The following SMS variants were observed in gnomAD, a reference collection of about 807,000 sequenced individuals.
SMS encodes the protein spermine synthase.
SMS carries 3 observed loss-of-function variants against 33.0 expected under a neutral mutation model. The observed-to-expected ratio is 0.09, with a 90% CI of 0.04 to 0.23. The LOEUF (loss-of-function observed/expected upper bound fraction) is 0.23. SMS is among the 10% of genes least tolerant of loss of function. The pLI, the probability that SMS is intolerant of heterozygous loss-of-function variation, is 1.00. For synonymous variants in SMS, 103 were observed against 112.2 expected (o/e 0.92, Z 0.52); for missense variants, 117 against 288.6 (o/e 0.41, Z 4.31).
chrX:21,946,099 CA>C (rs1358687482), intron 1 of SMS, among the ~76,000 whole-genome samples: 1 of 112,363 alleles, frequency 8.9e-6, no homozygotes, highest in Non-Finnish European at 1.9e-5. Context: ...GGCCTCCAAG[CA>C]TAACTGAAGA....
At chrX:21,974,023 G>C (rs1409050901) in intron 4 of SMS, among the ~76,000 whole-genome samples, 1 of 112,692 alleles carries the variant, frequency 8.9e-6, no homozygotes, top group Middle Eastern at 4.2e-3. Context: ...CAGGCCTTAA[G>C]GCATAGAAGG....
At chrX:21,972,688 C>A in intron 4 of SMS, 117 bp downstream of exon 4, 1 of 527,034 alleles carries the variant, frequency 1.9e-6, no homozygotes, top group South Asian at 2.5e-5. Context: ...GCAGGCGGAT[C>A]ACTTGAAGTC....
At chrX:21,950,360 T>C (rs1419056252) in intron 1 of SMS, among the ~76,000 whole-genome samples, 2 of 110,099 alleles carry the variant, frequency 1.8e-5, no homozygotes, top group East Asian at 5.7e-4. Context: ...AGCTGGAGGC[T>C]TGATGTTGAG....
intron 1 of SMS, among the ~76,000 whole-genome samples, chrX:21,961,226 A>G (rs185124958): frequency 9.2e-6 from 1 of 109,068 alleles, no homozygotes; most frequent in East Asian, 2.9e-4. Flanking sequence ...TCTGGGTTCT[A>G]TATAGGAACC....
chrX:21,977,017 G>A (rs756579976), intron 4 of SMS, 44 bp from the exon 5 acceptor site: 49 of 1,131,835 alleles, frequency 4.3e-5, no homozygotes, highest in South Asian at 2.9e-4. Context: ...CACTTGTAAG[G>A]CAGTGTTCTA....
chrX:21,979,452 T>G (rs1364081172), intron 7 of SMS, among the ~76,000 whole-genome samples: 2 of 106,803 alleles, frequency 1.9e-5, no homozygotes, highest in Non-Finnish European at 3.8e-5. Flanking sequence ...GAACATGCGG[T>G]GTTTGGTTTT....
intron 1 of SMS, among the ~76,000 whole-genome samples, chrX:21,958,512 T>C (rs1039522318): frequency 5.3e-5 from 6 of 112,161 alleles, no homozygotes; most frequent in African/African-American, 2.0e-4. Flanking sequence ...TCAGTGGCTT[T>C]CAGGATATTT....
rs892500411 is a variant in SMS at position 21,974,276 on chromosome X, T to C, written c.329+1705T>C. On this transcript the variant is annotated intron_variant, in intron 4 of 10. Transcript: ENST00000404933. Reference sequence around the variant, plus strand: ...TAGGTAATTGTTTAACCTTCTGTAGTTAAAGAGGAAAGCAGGAAACTGAAA... The same window carrying C: ...TAGGTAATTGTTTAACCTTCTGTAGCTAAAGAGGAAAGCAGGAAACTGAAA... Among the ~76,000 whole-genome samples the C allele has an allele frequency of 1.3e-4, 15 of 112,186 alleles. No homozygotes were observed. The Admixed American group carries it at 1.4e-3, about 11-fold the overall frequency.
chrX:21,953,496 T>G (rs1454332504), intron 1 of SMS, among the ~76,000 whole-genome samples: 8 of 112,272 alleles, frequency 7.1e-5, no homozygotes, highest in African/African-American at 2.3e-4. Context: ...GGAGGAGAGA[T>G]AAGGCTCACT....
intron 1 of SMS, among the ~76,000 whole-genome samples, chrX:21,961,355 T>C (rs1167058489): frequency 9.1e-6 from 1 of 110,196 alleles, no homozygotes; most frequent in East Asian, 2.9e-4. Flanking sequence ...TTATGGGGAA[T>C]GTTAAGTGGC....
At chrX:21,964,062 A>AT (rs372817561) in intron 1 of SMS, among the ~76,000 whole-genome samples, 16,971 of 94,887 alleles carry the variant, frequency 0.18, 1,893 homozygotes, top group African/African-American at 0.38. Flanking sequence ...TTGAAATCAG[A>AT]TTTTTTTTTT....
At chrX:21,948,343 C>A in intron 1 of SMS, among the ~76,000 whole-genome samples, 1 of 110,302 alleles carries the variant, frequency 9.1e-6, no homozygotes, top group Admixed American at 9.7e-5. Context: ...TAGGAGTGAC[C>A]CCCATCCTGG....
intron 5 of SMS, 23 bp downstream of exon 5, chrX:21,977,259 G>A (rs752890783): frequency 6.1e-6 from 7 of 1,150,337 alleles, no homozygotes; most frequent in South Asian, 1.8e-5. Context: ...TCCCTGCCCC[G>A]ATCACGTAAC....
intron 7 of SMS, among the ~76,000 whole-genome samples, chrX:21,979,809 C>T (rs1397452043): frequency 3.6e-5 from 4 of 109,766 alleles, no homozygotes; most frequent in African/African-American, 6.6e-5. Context: ...AACTAATTTA[C>T]ACTCCCACCA....
chrX:21,972,656 C>G, intron 4 of SMS, 85 bp downstream of exon 4: 1 of 666,028 alleles, frequency 1.5e-6, no homozygotes, highest in Non-Finnish European at 2.4e-6. Context: ...CACCTGTAAT[C>G]CCAGCAATTT....
chrX:21,989,380 G>C (rs376859627), intron 9 of SMS, among the ~76,000 whole-genome samples: 1 of 111,730 alleles, frequency 9.0e-6, no homozygotes, highest in African/African-American at 3.3e-5. Flanking sequence ...AGCCTCAAAG[G>C]GGTAAAGAAA....
chrX:21,982,109 G>A (rs1180468463), intron 7 of SMS, among the ~76,000 whole-genome samples: 2 of 109,735 alleles, frequency 1.8e-5, no homozygotes, highest in Non-Finnish European at 3.8e-5. Context: ...TGAGGTGGGC[G>A]GATCACGAGG....
In SMS at chrX:21,990,760, G is replaced by C. The variant is rs186483371; in HGVS notation, c.946-1837G>C. Among the ~76,000 whole-genome samples the C allele has an allele frequency of 2.5e-3, 280 of 113,000 alleles. 1 individual carries two copies. Among genetic ancestry groups the C allele is most frequent in the African/African-American group, 8.2e-3 (257 of 31,158 alleles). The stretch of plus-strand genomic sequence containing the variant: ...AAGCCATTTACTGTGCACCTTGGTG[G>C]CATTTTCATTCTATAGCTTCCCCAG... On this transcript the variant is annotated intron_variant, in intron 9 of 10. Coordinates refer to ENST00000404933, the MANE Select transcript of SMS (RefSeq NM_004595.5).
chrX:21,955,102 C>T (rs1922887629), intron 1 of SMS, among the ~76,000 whole-genome samples: 1 of 111,866 alleles, frequency 8.9e-6, no homozygotes, highest in African/African-American at 3.3e-5. Context: ...TCCTAAAGTG[C>T]TGTGACTACA....
Sources: allele counts gnomAD v4.1 joint callset (sites outside exome capture counted in the v4.1 genomes callset), GRCh38; gene constraint gnomAD v4.1.1; transcripts MANE v1.5; gene names NCBI Gene and HGNC (gene_info 2026-07-23, HGNC 2026-07-21).